The following EGF variants were observed in gnomAD, a reference collection of about 807,000 sequenced individuals.
EGF encodes epidermal growth factor.
A neutral mutation model predicts 143.8 loss-of-function variants in EGF; 95 were observed. The ratio of observed to expected loss-of-function variants is 0.66; its 90% confidence interval spans 0.56 to 0.78. The LOEUF (loss-of-function observed/expected upper bound fraction) is 0.78. Among genes scored for constraint, EGF ranks in the 30% least tolerant of loss-of-function variants. The probability of loss-of-function intolerance (pLI) is 0.00; values close to 1 mark genes in which losing one functional copy is unlikely to be tolerated. For missense variants in EGF, 1,320 were observed against 1,470.9 expected (o/e 0.90, Z 1.68); for synonymous variants, 510 against 510.5 (o/e 1.00, Z 0.01).
intron 1 of EGF, among the ~76,000 whole-genome samples, chr4:109,938,025 T>C (rs959226706): frequency 5.9e-5 from 9 of 151,960 alleles, no homozygotes; most frequent in Middle Eastern, 3.2e-3. Flanking sequence ...TCTTTGGGGG[T>C]GTTCTCTGTA....
chr4:109,977,579 C>T (rs1359032932), intron 13 of EGF: 1 of 152,176 alleles, frequency 6.6e-6, no homozygotes, highest in African/African-American at 2.4e-5. Context: ...TGGCTCACAC[C>T]TGTAATCCCA....
At chr4:109,954,516 G>A (rs1744478733) in intron 5 of EGF, among the ~76,000 whole-genome samples, 1 of 151,900 alleles carries the variant, frequency 6.6e-6, no homozygotes, top group South Asian at 2.1e-4. Flanking sequence ...GGCCATTCTT[G>A]TATTTTCTTC....
In EGF at chr4:109,970,609, A is replaced by T. The variant is rs181188815; in HGVS notation, c.1724+1490A>T. On this transcript the variant is annotated intron_variant, in intron 11 of 23. Coordinates refer to ENST00000265171, the MANE Select transcript of EGF (RefSeq NM_001963.6). ...TGGGAGGCCAAGGTGGGCAGATCAC[A>T]AGGTCAGGAGATCGAGACCATCCTG... Among the ~76,000 whole-genome samples the T allele has an allele frequency of 4.6e-5, 7 of 151,956 alleles. No homozygotes were observed. In the South Asian group the frequency reaches 8.3e-4, roughly 18 times the overall value.
In EGF at chr4:109,974,761, G is replaced by A; in HGVS notation, c.1783G>A (p.Glu595Lys). 1.2e-6 allele frequency: 2 copies of A among 1,613,612 alleles called. No individual in the cohort carries two copies. Among genetic ancestry groups the A allele is most frequent in the Non-Finnish European group, 1.7e-6 (2 of 1,179,664 alleles). ...GAAACGTTCCAAAATAATCACTAAG[G>A]AGAACATCTCTCAACCACGAGGAAT... ...NGKRSKIITK[E>K]NISQPRGIAV... is the part of the protein sequence containing the mutation. The change falls in exon 12 of 24, where the codon GAG (glutamate) becomes AAG (lysine). Residue 595 changes from glutamate to lysine, a missense_variant. Physicochemically the swap from Glu to Lys is moderately conservative, Grantham distance 56. This residue lies in a region of EGF where 1,186 missense variants were observed against 1,313.7 expected (regional missense o/e 0.90). Coordinates refer to ENST00000265171, the MANE Select transcript of EGF (RefSeq NM_001963.6).
At chr4:109,943,213 G>T (rs1163917519) in intron 2 of EGF, 41 bp from the exon 3 acceptor site, 3 of 1,347,770 alleles carry the variant, frequency 2.2e-6, no homozygotes, top group Non-Finnish European at 3.1e-6. Flanking sequence ...TGTTGTGAAT[G>T]GGGGAAGTAT....
chr4:109,933,234 T>C (rs983274168), intron 1 of EGF, among the ~76,000 whole-genome samples: 1 of 152,180 alleles, frequency 6.6e-6, no homozygotes, highest in African/African-American at 2.4e-5. Context: ...TTTCCCAAGA[T>C]GTCTACGTGA....
In EGF at chr4:110,011,241, T is replaced by C. The variant is rs1753959865; in HGVS notation, c.3410T>C (p.Leu1137Ser). The C allele has an allele frequency of 6.2e-7, 1 of 1,614,138 alleles. No homozygotes were observed. The highest frequency in any genetic ancestry group is 8.5e-7 in the Non-Finnish European group (1 of 1,179,996). The stretch of plus-strand genomic sequence containing the variant: ...ACTTCATGGAGGCAGGAGCCCCAGT[T>C]ATGTGGAATGGGCACAGAGCAAGGC... ...QPTSWRQEPQ[L>S]CGMGTEQGCW... Residue 1137 changes from leucine to serine, a missense_variant, in exon 24 of 24, where the codon TTA (leucine) becomes TCA (serine). Physicochemically the swap from Leu to Ser is moderately radical, Grantham distance 145. Transcript: ENST00000265171.
chr4:109,966,933 T>C (rs947810077), intron 10 of EGF, among the ~76,000 whole-genome samples: 2 of 152,222 alleles, frequency 1.3e-5, no homozygotes, highest in South Asian at 2.1e-4. Context: ...TTATAGATTC[T>C]GGATATTAGC....
At chr4:109,992,648 G>A (rs1019581239) in intron 18 of EGF, among the ~76,000 whole-genome samples, 1 of 151,884 alleles carries the variant, frequency 6.6e-6, no homozygotes, top group Non-Finnish European at 1.5e-5. Context: ...ACATGCACAC[G>A]TATGTTTATT....
intron 3 of EGF, 55 bp from the exon 4 acceptor site, chr4:109,943,787 C>A: frequency 1.4e-6 from 2 of 1,462,906 alleles, no homozygotes; most frequent in Non-Finnish European, 1.9e-6. Context: ...AGAGAGTTGG[C>A]CATTTAAGGC....
At chr4:109,946,410 T>C (rs1182840387) in intron 5 of EGF, among the ~76,000 whole-genome samples, 2 of 152,220 alleles carry the variant, frequency 1.3e-5, no homozygotes, top group East Asian at 3.8e-4. Flanking sequence ...TCCTCAAACA[T>C]GCTAATCTCC....
chr4:109,937,296 T>A (rs1741001136), intron 1 of EGF, among the ~76,000 whole-genome samples: 1 of 152,144 alleles, frequency 6.6e-6, no homozygotes, highest in Admixed American at 6.5e-5. Flanking sequence ...ATGGTCTTCT[T>A]TGTCTCTTTT....
intron 10 of EGF, 47 bp from the exon 11 acceptor site, chr4:109,968,924 C>T: frequency 6.2e-7 from 1 of 1,612,462 alleles, no homozygotes; most frequent in South Asian, 1.1e-5. Context: ...ATATATTCCA[C>T]ATTAGTTTTA....
At chr4:109,960,832 C>A in intron 6 of EGF, 35 bp from the exon 7 acceptor site, 1 of 1,612,340 alleles carries the variant, frequency 6.2e-7, no homozygotes. Flanking sequence ...TCAAAAATAG[C>A]CATTTGAATG....
At chr4:109,991,078 T>G (rs1750865589) in intron 18 of EGF, among the ~76,000 whole-genome samples, 1 of 152,158 alleles carries the variant, frequency 6.6e-6, no homozygotes. Flanking sequence ...ACTTCTCCAG[T>G]GAAACTGGCT....
chr4:109,982,510 T>A (rs1288753807), intron 15 of EGF, among the ~76,000 whole-genome samples: 3 of 152,042 alleles, frequency 2.0e-5, no homozygotes, highest in Admixed American at 6.6e-5. Context: ...GTATTTTTAG[T>A]AGAGACAGGG....
At chr4:109,983,058 A>G (rs758095751) in intron 15 of EGF, among the ~76,000 whole-genome samples, 17 of 152,316 alleles carry the variant, frequency 1.1e-4, no homozygotes, top group Admixed American at 3.3e-4. Context: ...TGTATGGAAG[A>G]CAAGTTGGGA....
At chr4:109,996,497 T>G (rs1318906215) in intron 20 of EGF, among the ~76,000 whole-genome samples, 1 of 152,224 alleles carries the variant, frequency 6.6e-6, no homozygotes, top group Non-Finnish European at 1.5e-5. Flanking sequence ...TTTAATTAAC[T>G]ATTCAACCCT....
chr4:109,980,002 A>G lies in EGF; in HGVS notation c.2084A>G (p.Asp695Gly). ...GHPFAVAVFE[D>G]YVWFSDWAMP... ...CCATTTGCTGTAGCAGTGTTTGAGG[A>G]TTATGTGTGGTTCTCAGATTGGGCT... Residue 695 changes from aspartate (D) to glycine (G), a missense_variant, in exon 14 of 24, where the codon GAT (aspartate) becomes GGT (glycine). This residue lies in a region of EGF where 1,186 missense variants were observed against 1,313.7 expected (regional missense o/e 0.90). Transcript: ENST00000265171. 6.2e-7 allele frequency: 1 copy of G among 1,614,028 alleles called. No individual in the cohort carries two copies. Among genetic ancestry groups the G allele is most frequent in the Non-Finnish European group, 8.5e-7 (1 of 1,179,944 alleles).
Sources: allele counts gnomAD v4.1 joint callset (sites outside exome capture counted in the v4.1 genomes callset), GRCh38; gene constraint gnomAD v4.1.1; regional missense constraint gnomAD v4.1.1; transcripts MANE v1.5; gene names NCBI Gene and HGNC (gene_info 2026-07-23, HGNC 2026-07-21).